FBXO34: variants seen among roughly 807,000 people sequenced by gnomAD.
FBXO34 encodes F-box only protein 34.
Under a neutral mutation model 24.5 loss-of-function variants are expected in FBXO34, and 12 were observed. The ratio of observed to expected loss-of-function variants is 0.49; its 90% CI spans 0.31 to 0.79. The LOEUF (loss-of-function observed/expected upper bound fraction) is 0.79. FBXO34 is among the 30% of genes least tolerant of loss of function. FBXO34 has a pLI of 0.04. For missense variants in FBXO34, 823 were observed against 857.7 expected (o/e 0.96, Z 0.51); for synonymous variants, 320 against 311.9 (o/e 1.03, Z -0.27).
chr14:55,374,085 C>T (rs1297415111), downstream of FBXO34, among the ~76,000 whole-genome samples: 1 of 152,252 alleles, frequency 6.6e-6, no homozygotes, highest in South Asian at 2.1e-4. Context: ...AAATTCACCT[C>T]CAGTATGAGT....
At chr14:55,387,729 G>A in the FBXO34 span, among the ~76,000 whole-genome samples, 1 of 152,004 alleles carries the variant, frequency 6.6e-6, no homozygotes, top group African/African-American at 2.4e-5. Flanking sequence ...GAATGCAGTG[G>A]TGCATCTCGG....
the FBXO34 span, among the ~76,000 whole-genome samples, chr14:55,384,645 T>C: frequency 6.6e-6 from 1 of 152,248 alleles, no homozygotes; most frequent in Non-Finnish European, 1.5e-5. Flanking sequence ...ATCAGTCTTT[T>C]TGGTTTTTAG....
intron 3 of FBXO34, among the ~76,000 whole-genome samples, chr14:55,359,590 A>G (rs996222924): frequency 2.0e-5 from 3 of 152,224 alleles, no homozygotes; most frequent in African/African-American, 7.2e-5. Flanking sequence ...ACGACTGATC[A>G]GAGTTGGTGG....
chr14:55,290,762 T>C (rs1446740010), intron 1 of FBXO34, among the ~76,000 whole-genome samples: 1 of 152,174 alleles, frequency 6.6e-6, no homozygotes, highest in Non-Finnish European at 1.5e-5. Flanking sequence ...AGAAATGCAG[T>C]CTTTATTATC....
chr14:55,300,351 A>G (rs8022225), intron 1 of FBXO34, among the ~76,000 whole-genome samples: 84,869 of 152,078 alleles, frequency 0.56, 26,714 homozygotes, highest in African/African-American at 0.87. Flanking sequence ...CCAGCACTTT[A>G]GGAGGCTGAG....
the FBXO34 span, among the ~76,000 whole-genome samples, chr14:55,397,943 CT>C: frequency 0.024 from 2,520 of 105,472 alleles, 8 homozygotes; most frequent in East Asian, 0.043. Context: ...TGCAGTAATT[CT>C]TTTTTTTTTT....
chr14:55,431,405 T>TTAC, the FBXO34 span, among the ~76,000 whole-genome samples: 3 of 152,216 alleles, frequency 2.0e-5, no homozygotes, highest in East Asian at 3.8e-4. Flanking sequence ...ATTTAGCTGC[T>TTAC]TACTTCTCCC....
intron 1 of FBXO34, among the ~76,000 whole-genome samples, chr14:55,340,284 G>A (rs558023051): frequency 1.3e-5 from 2 of 152,088 alleles, no homozygotes; most frequent in African/African-American, 2.4e-5. Flanking sequence ...TCTCTGTTTC[G>A]CCCTAGCTGG....
At chr14:55,374,982 C>T (rs913380403), downstream of FBXO34, among the ~76,000 whole-genome samples, 1 of 152,192 alleles carries the variant, frequency 6.6e-6, no homozygotes, top group African/African-American at 2.4e-5. Flanking sequence ...TCTAGTTGAA[C>T]TTTAGAATCA....
At chr14:55,332,335 G>A (rs1175418204) in intron 1 of FBXO34, among the ~76,000 whole-genome samples, 2 of 151,896 alleles carry the variant, frequency 1.3e-5, no homozygotes, top group Non-Finnish European at 2.9e-5. Context: ...ATACATAGTA[G>A]CAATAATTAT....
At chr14:55,284,959 A>C (rs1161503337) in intron 1 of FBXO34, among the ~76,000 whole-genome samples, 2 of 149,230 alleles carry the variant, frequency 1.3e-5, no homozygotes, top group East Asian at 3.9e-4. Context: ...TGTTTTGTGA[A>C]TCTTTACCAT....
chr14:55,302,930 G>T (rs921528210), intron 1 of FBXO34, among the ~76,000 whole-genome samples: 7 of 152,188 alleles, frequency 4.6e-5, no homozygotes, highest in Non-Finnish European at 1.5e-5. Flanking sequence ...GTGAATAGTG[G>T]AAGTAGTAAA....
At chr14:55,342,816 T>TAA (rs1247374036) in intron 1 of FBXO34, among the ~76,000 whole-genome samples, 17 of 152,242 alleles carry the variant, frequency 1.1e-4, no homozygotes, top group Admixed American at 1.1e-3. Flanking sequence ...GTTTGAAAGA[T>TAA]AAAAGCTCTT....
the FBXO34 span, among the ~76,000 whole-genome samples, chr14:55,417,254 A>C: frequency 6.6e-6 from 1 of 152,176 alleles, no homozygotes; most frequent in Admixed American, 6.5e-5. Flanking sequence ...CCAAAAGTCA[A>C]CAAATCAACA....
intron 1 of FBXO34, among the ~76,000 whole-genome samples, chr14:55,311,672 A>G (rs1882746823): frequency 6.6e-6 from 1 of 152,136 alleles, no homozygotes; most frequent in Admixed American, 6.6e-5. Context: ...AAGGGCCTGC[A>G]GGTCCCATGT....
the FBXO34 span, among the ~76,000 whole-genome samples, chr14:55,415,766 T>G: frequency 2.0e-5 from 3 of 152,088 alleles, no homozygotes; most frequent in Admixed American, 2.0e-4. Flanking sequence ...TTTGGGAGGC[T>G]GAGGCAGGAG....
At chr14:55,317,959 A>G (rs1482043947) in intron 1 of FBXO34, among the ~76,000 whole-genome samples, 1 of 152,196 alleles carries the variant, frequency 6.6e-6, no homozygotes, top group Non-Finnish European at 1.5e-5. Context: ...ATTGGATTGC[A>G]TTTCAGAAAC....
the FBXO34 span, among the ~76,000 whole-genome samples, chr14:55,375,539 T>A: frequency 6.9e-6 from 1 of 144,984 alleles, no homozygotes; most frequent in African/African-American, 2.6e-5. Flanking sequence ...ACATGGAGTC[T>A]CACTATGTTG....
At chr14:55,414,717 ATGT>A in the FBXO34 span, among the ~76,000 whole-genome samples, 2 of 152,184 alleles carry the variant, frequency 1.3e-5, no homozygotes, top group African/African-American at 4.8e-5. Flanking sequence ...GAAATGTGGA[ATGT>A]TATCTCTACA....
Sources: allele counts gnomAD v4.1 joint callset (sites outside exome capture counted in the v4.1 genomes callset), GRCh38; gene constraint gnomAD v4.1.1; transcripts MANE v1.5; gene names NCBI Gene and HGNC (gene_info 2026-07-23, HGNC 2026-07-21).